Variants in STARD13 observed in about 807,000 individuals in gnomAD.
STARD13 encodes StAR related lipid transfer domain containing 13.
STARD13 carries 62 observed loss-of-function variants against 106.4 expected under a neutral mutation model. The ratio of observed to expected loss-of-function variants is 0.58; its 90% CI spans 0.48 to 0.72. STARD13 has a LOEUF of 0.72. Among genes scored for constraint, STARD13 ranks in the 30% least tolerant of loss-of-function variants. The pLI is 0.00. For synonymous variants in STARD13, 565 were observed against 553.0 expected (o/e 1.02, Z -0.31); for missense variants, 1,387 against 1,424.0 (o/e 0.97, Z 0.42).
At chr13:33,275,267 C>A (rs1406164266) in intron 1 of STARD13, among the ~76,000 whole-genome samples, 1 of 152,174 alleles carries the variant, frequency 6.6e-6, no homozygotes, top group Non-Finnish European at 1.5e-5. Flanking sequence ...TTATATATGT[C>A]TGCCATAATA....
At chr13:33,625,547 C>G in the STARD13 span, among the ~76,000 whole-genome samples, 2 of 151,008 alleles carry the variant, frequency 1.3e-5, no homozygotes. Context: ...TCCAGCCTGG[C>G]GACAGAGCGA....
intron 8 of STARD13, among the ~76,000 whole-genome samples, chr13:33,114,733 C>G (rs1949156115): frequency 6.6e-6 from 1 of 152,128 alleles, no homozygotes; most frequent in South Asian, 2.1e-4. Context: ...TCCCAGCCAT[C>G]ATTTTTGAAG....
chr13:33,579,634 T>A, the STARD13 span, among the ~76,000 whole-genome samples: 2 of 149,424 alleles, frequency 1.3e-5, no homozygotes, highest in Admixed American at 1.3e-4. Context: ...TATTGAAATA[T>A]CATATATATA....
chr13:33,619,794 T>C, the STARD13 span, among the ~76,000 whole-genome samples: 1 of 152,220 alleles, frequency 6.6e-6, no homozygotes, highest in Non-Finnish European at 1.5e-5. Flanking sequence ...CCGGTTGCAG[T>C]GGCTCACACC....
chr13:33,637,704 A>G, the STARD13 span, among the ~76,000 whole-genome samples: 1 of 152,228 alleles, frequency 6.6e-6, no homozygotes, highest in Non-Finnish European at 1.5e-5. Flanking sequence ...TTCAAGGGCT[A>G]TGATAATTAC....
intron 5 of STARD13, among the ~76,000 whole-genome samples, chr13:33,128,221 A>G (rs2138157022): frequency 6.6e-6 from 1 of 152,154 alleles, no homozygotes; most frequent in East Asian, 1.9e-4. Context: ...AGAGAGAGAG[A>G]GGGAGAGAGC....
intron 1 of STARD13, among the ~76,000 whole-genome samples, chr13:33,316,413 T>C (rs1370860691): frequency 6.6e-6 from 1 of 152,208 alleles, no homozygotes; most frequent in East Asian, 1.9e-4. Flanking sequence ...GATTAGTAAA[T>C]AAATAAATTT....
the STARD13 span, among the ~76,000 whole-genome samples, chr13:33,426,589 T>C: frequency 1.3e-5 from 2 of 152,214 alleles, no homozygotes; most frequent in Non-Finnish European, 2.9e-5. Context: ...TATCTTCTAA[T>C]GTGGCCAAGC....
intron 4 of STARD13, among the ~76,000 whole-genome samples, chr13:33,131,011 C>T (rs1223500852): frequency 6.6e-6 from 1 of 152,170 alleles, no homozygotes; most frequent in Non-Finnish European, 1.5e-5. Context: ...TGCAGTGGGT[C>T]CCCGCGGCTT....
At chr13:33,255,994 A>G (rs1890344299) in intron 1 of STARD13, among the ~76,000 whole-genome samples, 1 of 152,226 alleles carries the variant, frequency 6.6e-6, no homozygotes, top group African/African-American at 2.4e-5. Flanking sequence ...AAAAAGCATA[A>G]ATATACATAC....
At chr13:33,605,129 C>T in the STARD13 span, among the ~76,000 whole-genome samples, 2,385 of 150,254 alleles carry the variant, frequency 0.016, 75 homozygotes, top group African/African-American at 0.055. Context: ...GTCCCAGCTA[C>T]TTGGGAGCCT....
chr13:33,635,165 T>C, the STARD13 span, among the ~76,000 whole-genome samples: 1 of 152,164 alleles, frequency 6.6e-6, no homozygotes, highest in Non-Finnish European at 1.5e-5. Context: ...CCTTTTAAAG[T>C]GCCCACTCTG....
intron 1 of STARD13, among the ~76,000 whole-genome samples, chr13:33,278,985 T>G (rs1330121026): frequency 6.6e-6 from 1 of 152,202 alleles, no homozygotes; most frequent in African/African-American, 2.4e-5. Context: ...CATATTTCAA[T>G]TGCTCCAAGG....
the STARD13 span, among the ~76,000 whole-genome samples, chr13:33,463,187 T>C: frequency 5.9e-5 from 9 of 152,198 alleles, no homozygotes. Flanking sequence ...CCTGTGGTGT[T>C]AGACAGCAAC....
chr13:33,133,693 T>C (rs543267), intron 4 of STARD13, among the ~76,000 whole-genome samples: 49,466 of 151,730 alleles, frequency 0.33, 8,758 homozygotes, highest in Non-Finnish European at 0.41. Context: ...TTATCCTTGT[T>C]TGTTTGTATT....
intron 1 of STARD13, among the ~76,000 whole-genome samples, chr13:33,252,302 G>C (rs1308599273): frequency 6.6e-6 from 1 of 152,180 alleles, no homozygotes; most frequent in African/African-American, 2.4e-5. Context: ...GGTGAGGCTG[G>C]GATGGCCCAA....
intron 1 of STARD13, among the ~76,000 whole-genome samples, chr13:33,198,420 C>T (rs1296144858): frequency 1.3e-5 from 2 of 151,926 alleles, no homozygotes; most frequent in Non-Finnish European, 2.9e-5. Flanking sequence ...CCCAGGCTTA[C>T]CCCAGATGTT....
chr13:33,166,841 A>G (rs1883365126), intron 2 of STARD13, among the ~76,000 whole-genome samples: 1 of 151,990 alleles, frequency 6.6e-6, no homozygotes, highest in African/African-American at 2.4e-5. Context: ...CTAAAAATAC[A>G]AAAATTGGCC....
chr13:33,189,072 G>C (rs927267482), intron 1 of STARD13, among the ~76,000 whole-genome samples: 1 of 152,010 alleles, frequency 6.6e-6, no homozygotes, highest in African/African-American at 2.4e-5. Flanking sequence ...CTTTTCTTTT[G>C]TCATTTAGAA....
Sources: allele counts gnomAD v4.1 joint callset (sites outside exome capture counted in the v4.1 genomes callset), GRCh38; gene constraint gnomAD v4.1.1; transcripts MANE v1.5; gene names NCBI Gene and HGNC (gene_info 2026-07-23, HGNC 2026-07-21).